PKHD1: variants seen among roughly 807,000 people sequenced by gnomAD.
PKHD1 encodes the protein fibrocystin.
In PKHD1, 291 loss-of-function variants were observed where a neutral mutation model predicts 412.0. That is an observed-to-expected ratio of 0.71 (90% CI 0.64 to 0.78). PKHD1 has a LOEUF of 0.78. PKHD1 is among the 30% of genes least tolerant of loss of function. The pLI is 0.00. For missense variants in PKHD1, 4,825 were observed against 4,950.7 expected, an observed-to-expected ratio of 0.97 and a Z score of 0.76; for synonymous variants, 1,777 against 1,821.5, an observed-to-expected ratio of 0.98 and a Z score of 0.62.
At chr6:51,980,203 C>A (rs578017222) in intron 35 of PKHD1, among the ~76,000 whole-genome samples, 1 of 152,140 alleles carries the variant, frequency 6.6e-6, no homozygotes, top group South Asian at 2.1e-4. Flanking sequence ...CTTTCTCTTG[C>A]CTGAAAGTTT....
rs530886647 is a variant in PKHD1, at chr6:51,662,738, G to C, written c.10157-2769C>G. Among the ~76,000 whole-genome samples the C allele has an allele frequency of 1.1e-3, 170 of 151,612 alleles. 1 individual carries two copies. The highest frequency in any genetic ancestry group is 4.0e-3 in the African/African-American group (165 of 41,400). On this transcript the variant is annotated intron_variant, in intron 60 of 66. Transcript: ENST00000371117. ...CAAATCACCAATTTTAAGAATGAAA[G>C]GATTATCATTACAGATTCTGCAGAA... is the stretch of plus-strand genomic sequence containing the variant.
chr6:51,985,454 C>T (rs988655953), intron 35 of PKHD1, among the ~76,000 whole-genome samples: 1 of 152,148 alleles, frequency 6.6e-6, no homozygotes, highest in Non-Finnish European at 1.5e-5. Flanking sequence ...GCAGGCCGAG[C>T]GCGGTGGCTC....
chr6:51,784,659 G>A (rs1257362740), intron 53 of PKHD1, among the ~76,000 whole-genome samples: 3 of 152,102 alleles, frequency 2.0e-5, no homozygotes, highest in African/African-American at 7.2e-5. Flanking sequence ...AAGCAACACT[G>A]TATATCTCAA....
At chr6:51,635,876 C>CGGGGGAGG (rs1581768607) in intron 64 of PKHD1, among the ~76,000 whole-genome samples, 1 of 41,506 alleles carries the variant, frequency 2.4e-5, no homozygotes, top group African/African-American at 8.5e-5. Flanking sequence ...GGCGGGGGGC[C>CGGGGGAGG]GGGGGCGGAT....
At chr6:52,062,288 A>G (rs893094386) in intron 14 of PKHD1, among the ~76,000 whole-genome samples, 2 of 152,220 alleles carry the variant, frequency 1.3e-5, no homozygotes, top group African/African-American at 4.8e-5. Flanking sequence ...CATCTCCAAA[A>G]CAGATTGTAA....
intron 34 of PKHD1, among the ~76,000 whole-genome samples, chr6:52,014,118 G>A (rs1273477890): frequency 6.6e-6 from 1 of 152,072 alleles, no homozygotes; most frequent in African/African-American, 2.4e-5. Context: ...ATATCTCTCC[G>A]AGCTCATCTG....
At chr6:51,673,156 A>C (rs866841777) in intron 60 of PKHD1, among the ~76,000 whole-genome samples, 15 of 152,212 alleles carry the variant, frequency 9.9e-5, no homozygotes, top group African/African-American at 3.4e-4. Flanking sequence ...AGACCAAATA[A>C]TAACCCGTGA....
chr6:51,651,864 G>A (rs576791584), intron 61 of PKHD1, among the ~76,000 whole-genome samples: 3 of 152,256 alleles, frequency 2.0e-5, no homozygotes, highest in South Asian at 2.1e-4. Flanking sequence ...TTGCTGTGAC[G>A]ACGGGAGTCA....
At chr6:51,727,954 T>C (rs1782781494) in intron 60 of PKHD1, among the ~76,000 whole-genome samples, 1 of 152,130 alleles carries the variant, frequency 6.6e-6, no homozygotes, top group Non-Finnish European at 1.5e-5. Context: ...TAACAACCTA[T>C]AACACATCTA....
intron 35 of PKHD1, among the ~76,000 whole-genome samples, chr6:51,980,371 C>T (rs1794984416): frequency 6.6e-6 from 1 of 152,156 alleles, no homozygotes; most frequent in African/African-American, 2.4e-5. Flanking sequence ...TTATAATTTG[C>T]AGCCCCCATT....
rs187224817 is a variant in PKHD1 at position 51,713,418 on chromosome 6, C to T, written c.10156+30967G>A. 1.1e-3 allele frequency among the ~76,000 whole-genome samples: 167 copies of T among 152,318 alleles called. 1 individual carries two copies. The highest frequency in any genetic ancestry group is 3.7e-3 in the African/African-American group (153 of 41,568). ...AGTTTGGTTGGCTTTGGATCATTTT[C>T]CTTGACTCCTCCTCCTCTACTCACT... On this transcript the variant is annotated intron_variant, in intron 60 of 66. Transcript: ENST00000371117.
In PKHD1 at chr6:51,618,611, C is replaced by A; in HGVS notation, c.*470G>T. 4.3e-6 allele frequency: 1 copy of A among 234,906 alleles called. No individual in the cohort carries two copies. The highest frequency in any genetic ancestry group is 8.4e-6 in the Non-Finnish European group (1 of 118,730). The allele number at this position is 234,906 out of a possible 1,614,324, so 14.6% of individuals were successfully genotyped here. A position where few individuals can be genotyped will look rare whatever the true frequency, so the allele number is the denominator to read the frequency against. On this transcript the variant is annotated 3_prime_UTR_variant, in exon 67 of 67. Transcript: ENST00000371117. The stretch of plus-strand genomic sequence containing the variant: ...ATCAGGGAGCAGGGTGTTGAACTGT[C>A]CCTTCAAATGCTACTACAGGATAAA...
In PKHD1 at chr6:51,642,044, T is replaced by TAATA. The variant is rs1335748466; in HGVS notation, c.11399-3092_11399-3089dup. ...ATGTATCCCAGAACTTAAAGTATAA[T>TAATA]AATAAATAAATAAATAGATAAATAA... On this transcript the variant is annotated intron_variant, in intron 63 of 66. Coordinates refer to ENST00000371117, the MANE Select transcript of PKHD1 (RefSeq NM_138694.4). Among the ~76,000 whole-genome samples, 18 of 152,180 alleles carry TAATA rather than the reference T, an allele frequency of 1.2e-4. No homozygotes were observed. In the East Asian group the frequency reaches 3.1e-3, roughly 26 times the overall value.
intron 36 of PKHD1, among the ~76,000 whole-genome samples, chr6:51,954,680 T>C (rs1167784066): frequency 6.6e-6 from 1 of 152,098 alleles, no homozygotes; most frequent in East Asian, 1.9e-4. Flanking sequence ...TTATATATAA[T>C]GCAGTAATTA....
chr6:51,733,281 C>G (rs1461757276), intron 60 of PKHD1, among the ~76,000 whole-genome samples: 1 of 152,098 alleles, frequency 6.6e-6, no homozygotes, highest in Non-Finnish European at 1.5e-5. Context: ...TGACTCACAC[C>G]TGTAATCCCA....
At position 51,965,343 on chromosome 6, in the gene PKHD1, G is replaced by A. The variant is rs373363463; in HGVS notation, c.5752-5317C>T. 2.8e-4 allele frequency among the ~76,000 whole-genome samples: 42 copies of A among 152,188 alleles called. 2 individuals are homozygous for A. Among genetic ancestry groups the A allele is most frequent in the African/African-American group, 8.7e-4 (36 of 41,552 alleles). ...GGGGAAATCAAGTGCATTAAACATC[G>A]TTTTCTCTTTTTAATCTGGACACAA... On this transcript the variant is annotated intron_variant, in intron 35 of 66. Transcript: ENST00000371117.
chr6:51,785,723 G>C (rs927874030), intron 53 of PKHD1, among the ~76,000 whole-genome samples: 2 of 151,606 alleles, frequency 1.3e-5, no homozygotes, highest in Non-Finnish European at 2.9e-5. Flanking sequence ...TTCTTTTCCT[G>C]AACTCAGCTT....
In PKHD1 at chr6:51,870,479, CTG is replaced by C. The variant is rs1168725543; in HGVS notation, c.7486+23_7486+24del. The stretch of plus-strand genomic sequence containing the variant: ...CTTGAATATGGGCCTTATTTATCAT[CTG>C]TTCTGTCTATTCAAATAATTACCTT... On this transcript the variant is annotated intron_variant, in intron 47 of 66. Coordinates refer to ENST00000371117, the MANE Select transcript of PKHD1 (RefSeq NM_138694.4). 7 of 1,588,278 alleles carry C rather than the reference CTG, an allele frequency of 4.4e-6. No homozygotes were observed. The African/African-American group carries it at 6.7e-5, about 15-fold the overall frequency.
intron 61 of PKHD1, among the ~76,000 whole-genome samples, chr6:51,654,846 AATGTGAACAGTCTAC>A (rs1192773434): frequency 1.3e-5 from 2 of 152,114 alleles, no homozygotes; most frequent in African/African-American, 4.8e-5. Context: ...CGTCATAACA[AATGTGAACAGTCTAC>A]ATTATTTCCC....
Sources: gnomAD v4.1 joint callset for allele counts (sites outside exome capture counted in the v4.1 genomes callset) on GRCh38, gnomAD v4.1.1 for gene constraint, MANE v1.5 for transcripts, NCBI Gene and HGNC (gene_info 2026-07-23, HGNC 2026-07-21) for gene names.